ZNF423: variants seen among roughly 807,000 people sequenced by gnomAD.
ZNF423 encodes the protein zinc finger protein 423.
In ZNF423, 12 loss-of-function variants were observed where a neutral mutation model predicts 95.8. The observed-to-expected ratio is 0.13, with a 90% CI of 0.08 to 0.20. The LOEUF is 0.20. Among genes scored for constraint, ZNF423 ranks in the 10% least tolerant of loss-of-function variants. The pLI is 1.00. For missense variants in ZNF423, 1,316 were observed against 1,737.1 expected (o/e 0.76, Z 4.31); for synonymous variants, 749 against 711.9 (o/e 1.05, Z -0.83).
intron 1 of ZNF423, among the ~76,000 whole-genome samples, chr16:49,797,228 GA>G (rs1224853188): frequency 6.6e-6 from 1 of 152,124 alleles, no homozygotes; most frequent in Non-Finnish European, 1.5e-5. Context: ...TCCAGGAATG[GA>G]AAAGCATAGA....
chr16:49,563,903 G>A (rs143799687), intron 5 of ZNF423, among the ~76,000 whole-genome samples: 1 of 152,210 alleles, frequency 6.6e-6, no homozygotes, highest in African/African-American at 2.4e-5. Flanking sequence ...GCCACCAATG[G>A]GCAGAGCTTA....
intron 5 of ZNF423, among the ~76,000 whole-genome samples, chr16:49,581,507 A>C (rs141690938): frequency 5.9e-5 from 9 of 152,360 alleles, no homozygotes; most frequent in Admixed American, 2.6e-4. Flanking sequence ...AGGCATTAAC[A>C]GTTTTTGCTA....
chr16:49,709,749 G>A (rs1261043169), intron 3 of ZNF423, among the ~76,000 whole-genome samples: 1 of 152,142 alleles, frequency 6.6e-6, no homozygotes, highest in Non-Finnish European at 1.5e-5. Context: ...TAGCTTATTA[G>A]TCCCTTTTTG....
At chr16:49,821,209 T>C (rs1328458573) in intron 1 of ZNF423, among the ~76,000 whole-genome samples, 2 of 139,148 alleles carry the variant, frequency 1.4e-5, no homozygotes, top group Non-Finnish European at 3.1e-5. Context: ...AAAAGCCAGC[T>C]ACCCAGACGC....
At chr16:49,598,175 G>A (rs988126501) in intron 5 of ZNF423, among the ~76,000 whole-genome samples, 1 of 150,510 alleles carries the variant, frequency 6.6e-6, no homozygotes, top group African/African-American at 2.4e-5. Context: ...CAGGAGTGGT[G>A]AGAAGGACAC....
intron 7 of ZNF423, among the ~76,000 whole-genome samples, chr16:49,508,338 T>G (rs1368834617): frequency 6.6e-6 from 1 of 151,974 alleles, no homozygotes; most frequent in Non-Finnish European, 1.5e-5. Flanking sequence ...CTAGGCAGCA[T>G]AGTGAACCCT....
intron 5 of ZNF423, among the ~76,000 whole-genome samples, chr16:49,604,712 C>G (rs568915267): frequency 5.3e-5 from 8 of 152,244 alleles, no homozygotes. Context: ...GTCATGCAAC[C>G]TGAGATCCTT....
At chr16:49,531,221 G>T (rs1968832775) in intron 5 of ZNF423, among the ~76,000 whole-genome samples, 1 of 151,840 alleles carries the variant, frequency 6.6e-6, no homozygotes, top group Admixed American at 6.6e-5. Context: ...TCCACTACCA[G>T]CCCCAGAAAT....
At chr16:49,729,671 A>AT (rs2033113478) in intron 3 of ZNF423, among the ~76,000 whole-genome samples, 1 of 140,820 alleles carries the variant, frequency 7.1e-6, no homozygotes, top group Non-Finnish European at 1.5e-5. Flanking sequence ...TATTATTATT[A>AT]TTATTATTAT....
intron 5 of ZNF423, among the ~76,000 whole-genome samples, chr16:49,620,697 G>T (rs1972046094): frequency 6.6e-6 from 1 of 152,200 alleles, no homozygotes; most frequent in African/African-American, 2.4e-5. Context: ...AGGACGTCCA[G>T]GGGCCCAGAG....
At chr16:49,780,383 A>G (rs779692895) in intron 2 of ZNF423, among the ~76,000 whole-genome samples, 3 of 152,216 alleles carry the variant, frequency 2.0e-5, no homozygotes, top group Non-Finnish European at 4.4e-5. Context: ...AGGATGCAGC[A>G]CAAACCAGCA....
At chr16:49,782,287 C>CA (rs1348348943) in intron 2 of ZNF423, among the ~76,000 whole-genome samples, 1 of 152,240 alleles carries the variant, frequency 6.6e-6, no homozygotes, top group African/African-American at 2.4e-5. Flanking sequence ...GGCCTGGGTT[C>CA]AAACCCTCAC....
intron 5 of ZNF423, among the ~76,000 whole-genome samples, chr16:49,558,365 A>G (rs1189218361): frequency 6.6e-6 from 1 of 152,196 alleles, no homozygotes; most frequent in East Asian, 1.9e-4. Context: ...TAAGATGTTT[A>G]CTTGTTGGGG....
At chr16:49,770,575 C>A (rs1271768655) in intron 2 of ZNF423, among the ~76,000 whole-genome samples, 1 of 151,922 alleles carries the variant, frequency 6.6e-6, no homozygotes, top group African/African-American at 2.4e-5. Flanking sequence ...AAGGACAGGC[C>A]CCCCCAGAAG....
At position 49,635,135 on chromosome 16, in the gene ZNF423, C is replaced by T. The variant is rs1393820836; in HGVS notation, c.3516+525G>A. Among the ~76,000 whole-genome samples, 1 of 152,238 alleles carries T rather than the reference C, an allele frequency of 6.6e-6. No homozygotes were observed. Among genetic ancestry groups the T allele is most frequent in the East Asian group, 1.9e-4 (1 of 5,198 alleles). On this transcript the variant is annotated intron_variant, in intron 4 of 7. Coordinates refer to ENST00000563137, the MANE Select transcript of ZNF423 (RefSeq NM_001379286.1). This position sits in a 1 kb window ranked among gnomAD's most constrained non-coding sequence, Gnocchi z 4.8. ...CAGCTGGTGATGACAGCCAGCACCA[C>T]TGAGCCATGAGTGCTGGGCTCTCGG...
chr16:49,702,612 AG>A lies in ZNF423; in HGVS notation c.301+28158del, dbSNP rs1251210889. On this transcript the variant is annotated intron_variant, in intron 3 of 7. Coordinates refer to ENST00000563137, the MANE Select transcript of ZNF423 (RefSeq NM_001379286.1). ...CCTCAAGGAGAGGCTGGATGGCGGG[AG>A]GGGGTCAGAACAAGGGGCACGCTTG... Among the ~76,000 whole-genome samples the A allele has an allele frequency of 3.9e-5, 6 of 152,176 alleles. No individual in the cohort carries two copies. In the East Asian group the frequency reaches 9.7e-4, roughly 25 times the overall value.
At chr16:49,812,088 A>G (rs2034762965) in intron 1 of ZNF423, among the ~76,000 whole-genome samples, 1 of 152,244 alleles carries the variant, frequency 6.6e-6, no homozygotes, top group Non-Finnish European at 1.5e-5. Context: ...CCACACACAG[A>G]GCACTTGTGT....
chr16:49,520,085 T>C (rs371037969), intron 7 of ZNF423, among the ~76,000 whole-genome samples: 2 of 152,198 alleles, frequency 1.3e-5, no homozygotes, highest in Non-Finnish European at 2.9e-5. Context: ...ATTTTTTTCA[T>C]GTCATTGGCT....
intron 3 of ZNF423, among the ~76,000 whole-genome samples, chr16:49,649,579 G>A (rs55916239): frequency 0.52 from 78,684 of 151,278 alleles, 21,355 homozygotes; most frequent in South Asian, 0.67. Flanking sequence ...TCCAATCTCC[G>A]TGTCAATTAA....
Sources: gnomAD v4.1 joint callset for allele counts (sites outside exome capture counted in the v4.1 genomes callset) on GRCh38, gnomAD v4.1.1 for gene constraint, Gnocchi (gnomAD v3.1) non-coding constraint, MANE v1.5 for transcripts, NCBI Gene and HGNC (gene_info 2026-07-23, HGNC 2026-07-21) for gene names.